Variants in BDKRB2 observed in about 807,000 individuals in gnomAD.
BDKRB2 encodes bradykinin receptor B2, also known as B2 bradykinin receptor.
In BDKRB2, 6 loss-of-function variants were observed where a neutral mutation model predicts 4.0. That is an observed-to-expected ratio of 1.49 (90% CI 0.81 to 2.93). The LOEUF is 2.93. Among genes scored for constraint, BDKRB2 ranks in the 30% most tolerant of loss-of-function variants. The pLI is 0.00. For synonymous variants in BDKRB2, 225 were observed against 215.3 expected, an observed-to-expected ratio of 1.05 and a Z score of -0.40; for missense variants, 478 against 520.1, an observed-to-expected ratio of 0.92 and a Z score of 0.79.
At chr14:96,205,334 A>G (rs1890149579) in intron 1 of BDKRB2, among the ~76,000 whole-genome samples, 2 of 152,084 alleles carry the variant, frequency 1.3e-5, no homozygotes, top group Non-Finnish European at 2.9e-5. Flanking sequence ...TGGAGGCTCC[A>G]GAACCTGGCT....
At chr14:96,239,015 C>G in intron 2 of BDKRB2, 4 of 985,598 alleles carry the variant, frequency 4.1e-6, no homozygotes, top group Non-Finnish European at 4.8e-6. Flanking sequence ...TGCCAGCCAG[C>G]TGCTCCTAGA....
intron 1 of BDKRB2, among the ~76,000 whole-genome samples, chr14:96,218,892 C>T (rs1890488821): frequency 6.6e-6 from 1 of 151,838 alleles, no homozygotes; most frequent in Non-Finnish European, 1.5e-5. Context: ...GCACTCCAGT[C>T]TGGGTGACAG....
At position 96,204,889 on chromosome 14, in the gene BDKRB2, G is replaced by C. The variant is rs760295240; in HGVS notation, c.-110G>C. Reference sequence around the variant, plus strand: ...GAGGAGGGGTGGGGACGGTGGGGACGGTGGGGACATCAGGCTGCCCCGCAG... The same window carrying C: ...GAGGAGGGGTGGGGACGGTGGGGACCGTGGGGACATCAGGCTGCCCCGCAG... On this transcript the variant is annotated 5_prime_UTR_variant, in exon 1 of 3. Transcript: ENST00000554311. 32 of 241,390 alleles carry C rather than the reference G, an allele frequency of 1.3e-4. No homozygotes were observed. The highest frequency in any genetic ancestry group is 8.5e-4 in the African/African-American group (32 of 37,740). The allele number at this position is 241,390 out of a possible 1,614,324, so 15.0% of individuals were successfully genotyped here.
intron 1 of BDKRB2, among the ~76,000 whole-genome samples, chr14:96,230,675 C>T (rs184324123): frequency 6.7e-6 from 1 of 149,968 alleles, no homozygotes; most frequent in Non-Finnish European, 1.5e-5. Flanking sequence ...TGGAGTGCAA[C>T]GGTGGGATCT....
At chr14:96,226,751 G>A (rs959569072) in intron 1 of BDKRB2, among the ~76,000 whole-genome samples, 22 of 152,180 alleles carry the variant, frequency 1.4e-4, no homozygotes, top group Non-Finnish European at 2.8e-4. Flanking sequence ...CCCACCCTCT[G>A]TCTCTGGGCC....
chr14:96,228,207 C>T (rs1371623078), intron 1 of BDKRB2, among the ~76,000 whole-genome samples: 7 of 152,204 alleles, frequency 4.6e-5, no homozygotes, highest in African/African-American at 1.2e-4. Context: ...GTGCTGGGGC[C>T]GGGGCAAGCG....
At chr14:96,228,113 G>T (rs1890740442) in intron 1 of BDKRB2, among the ~76,000 whole-genome samples, 1 of 152,222 alleles carries the variant, frequency 6.6e-6, no homozygotes. Flanking sequence ...GAGTTCCCTG[G>T]ACCCCTTCTT....
chr14:96,215,804 C>T (rs912492309), intron 1 of BDKRB2, among the ~76,000 whole-genome samples: 2 of 152,182 alleles, frequency 1.3e-5, no homozygotes, highest in African/African-American at 2.4e-5. Context: ...AACATTGATT[C>T]GGCATCTACT....
chr14:96,223,332 G>C lies in BDKRB2; in HGVS notation c.-39-13737G>C, dbSNP rs1401308560. On this transcript the variant is annotated intron_variant, in intron 1 of 2. Transcript: ENST00000554311. The stretch of plus-strand genomic sequence containing the variant: ...TGCTGTTCCGGCGCCCACCACCCAA[G>C]AAGCCAAAGAAATGAAGCTGGCGAG... The C allele has an allele frequency of 8.7e-6, 9 of 1,032,376 alleles. No homozygotes were observed. The East Asian group carries it at 2.1e-4, about 24-fold the overall frequency. 64.0% of individuals were successfully genotyped at this position (1,032,376 alleles called of 1,614,324 possible).
intron 1 of BDKRB2, among the ~76,000 whole-genome samples, chr14:96,215,805 G>T (rs1338411031): frequency 3.9e-5 from 6 of 152,068 alleles, no homozygotes; most frequent in African/African-American, 1.4e-4. Flanking sequence ...ACATTGATTC[G>T]GCATCTACTA....
At chr14:96,239,232 T>A in intron 2 of BDKRB2, 1 of 982,030 alleles carries the variant, frequency 1.0e-6, no homozygotes, top group Non-Finnish European at 1.2e-6. Context: ...TTTCAGTGTG[T>A]CTTCGCATCC....
chr14:96,239,729 C>G (rs1885221649), intron 2 of BDKRB2: 2 of 960,746 alleles, frequency 2.1e-6, no homozygotes, highest in Admixed American at 6.2e-5. Flanking sequence ...CGTTAAGTAA[C>G]TTCCCCAGCG....
Position 96,240,793 on chromosome 14 carries a change from C to T in BDKRB2, c.465C>T (p.Arg155=), listed in dbSNP as rs1885263777. 1 of 1,553,590 alleles carries T rather than the reference C, an allele frequency of 6.4e-7. No individual in the cohort carries two copies. Among genetic ancestry groups the T allele is most frequent in the East Asian group, 2.3e-5 (1 of 44,436 alleles). ...ICFLMLVSID[R]YLALVKTMSM... is the part of the protein sequence containing the mutation. ...TCCTGATGCTGGTGAGCATCGACCG[C>T]TACCTGGCCCTGGTGAAAACCATGT... is the stretch of plus-strand genomic sequence containing the variant. Residue 155 remains arginine, a synonymous_variant, in exon 3 of 3, where the codon CGC becomes CGT. Coordinates refer to ENST00000554311, the MANE Select transcript of BDKRB2 (RefSeq NM_001379692.1).
intron 1 of BDKRB2, among the ~76,000 whole-genome samples, chr14:96,219,094 G>A (rs1890495630): frequency 6.6e-6 from 1 of 152,072 alleles, no homozygotes; most frequent in South Asian, 2.1e-4. Flanking sequence ...TTGAGCCTAG[G>A]AGTTCAAGAC....
intron 1 of BDKRB2, among the ~76,000 whole-genome samples, chr14:96,235,465 T>C (rs1238410397): frequency 6.6e-6 from 1 of 152,056 alleles, no homozygotes; most frequent in East Asian, 1.9e-4. Context: ...TCCTAGGTCT[T>C]CCTTTCCCTC....
chr14:96,232,870 C>G (rs570197308), intron 1 of BDKRB2, among the ~76,000 whole-genome samples: 1 of 152,102 alleles, frequency 6.6e-6, no homozygotes, highest in Non-Finnish European at 1.5e-5. Flanking sequence ...AGTTGACATC[C>G]GAAGGAAAAA....
chr14:96,235,426 G>T lies in BDKRB2; in HGVS notation c.-39-1643G>T, dbSNP rs1209632721. ...CCACTGTTGAATTTTCTTTCTATGAGCCCAGGAGGGCCTCTCAGAGAGGAA... is the reference window on the plus strand; with the variant it reads ...CCACTGTTGAATTTTCTTTCTATGATCCCAGGAGGGCCTCTCAGAGAGGAA... On this transcript the variant is annotated intron_variant, in intron 1 of 2. Transcript: ENST00000554311. 2.0e-5 allele frequency among the ~76,000 whole-genome samples: 3 copies of T among 150,532 alleles called. No homozygotes were observed. The East Asian group carries it at 5.9e-4, about 29-fold the overall frequency.
At position 96,239,443 on chromosome 14, in the gene BDKRB2, A is replaced by T. The variant is rs1046436291; in HGVS notation, c.75-960A>T. 7.1e-6 allele frequency: 7 copies of T among 985,286 alleles called. No individual in the cohort carries two copies. In the African/African-American group the frequency reaches 1.2e-4, roughly 17 times the overall value. 61.0% of individuals were successfully genotyped at this position (985,286 alleles called of 1,614,324 possible). On this transcript the variant is annotated intron_variant, in intron 2 of 2. Coordinates refer to ENST00000554311, the MANE Select transcript of BDKRB2 (RefSeq NM_001379692.1). The stretch of plus-strand genomic sequence containing the variant: ...CTGAAGGTAGAGATGAATTACAGCA[A>T]CAAGTCTAGAAAGGTGCCTGCCCTA...
chr14:96,231,564 C>T (rs1231681107), intron 1 of BDKRB2, among the ~76,000 whole-genome samples: 2 of 152,320 alleles, frequency 1.3e-5, no homozygotes, highest in African/African-American at 4.8e-5. Context: ...AGCATCCAGA[C>T]TCAGTAACCA....
Sources: allele counts gnomAD v4.1 joint callset (sites outside exome capture counted in the v4.1 genomes callset), GRCh38; gene constraint gnomAD v4.1.1; transcripts MANE v1.5; gene names NCBI Gene and HGNC (gene_info 2026-07-23, HGNC 2026-07-21).